MRPL57: variants seen among roughly 807,000 people sequenced by gnomAD.
MRPL57 encodes mitochondrial ribosomal protein L57.
MRPL57 carries 1 observed loss-of-function variant against 1.3 expected under a neutral mutation model. The observed-to-expected ratio is 0.79, with a 90% CI of 0.28 to 3.75. The LOEUF is 3.75. Ranked by LOEUF, MRPL57 falls within the 30% of genes most tolerant of loss-of-function variation. MRPL57 has a pLI of 0.19. For missense variants in MRPL57, 170 were observed against 148.9 expected, an observed-to-expected ratio of 1.14 and a Z score of -0.74; for synonymous variants, 79 against 61.7, an observed-to-expected ratio of 1.28 and a Z score of -1.31.
chr13:21,177,918 G>A lies in MRPL57; in HGVS notation c.*693G>A, dbSNP rs1301785272. The A allele has an allele frequency of 4.3e-5, 7 of 162,492 alleles. No individual in the cohort carries two copies. Among genetic ancestry groups the A allele is most frequent in the Non-Finnish European group, 7.3e-5 (5 of 68,116 alleles). The allele number at this position is 162,492 out of a possible 1,614,324, so 10.1% of individuals were successfully genotyped here. A position where few individuals can be genotyped will look rare whatever the true frequency, so the allele number is the denominator to read the frequency against. On this transcript the variant is annotated 3_prime_UTR_variant, in exon 2 of 2. Coordinates refer to ENST00000309594, the MANE Select transcript of MRPL57 (RefSeq NM_024026.5). The stretch of plus-strand genomic sequence containing the variant: ...TCAGAGGCAGAGGTTGCAATGAAGC[G>A]GAGGTTGCAGTGAGCCGAGAGCATG...
chr13:21,177,044 C>T lies in MRPL57; in HGVS notation c.128C>T (p.Ala43Val). ...QNMIRRLEIE[A>V]ENHYWLSMPY... ...ATGATCCGCCGCCTGGAGATCGAGG[C>T]GGAGAACCATTACTGGCTGAGCATG... Residue 43 changes from alanine (A) to valine (V), a missense_variant, in exon 2 of 2, where the codon GCG becomes GTG. By Grantham distance (64) the Ala-to-Val change is moderately conservative. Transcript: ENST00000309594. The T allele has an allele frequency of 1.2e-6, 2 of 1,613,634 alleles. No individual in the cohort carries two copies. The highest frequency in any genetic ancestry group is 2.2e-5 in the South Asian group (2 of 91,082).
At position 21,176,997 on chromosome 13, in the gene MRPL57, G is replaced by T; in HGVS notation, c.81G>T (p.Val27=). 1 of 1,612,518 alleles carries T rather than the reference G, an allele frequency of 6.2e-7. No individual in the cohort carries two copies. Among genetic ancestry groups the T allele is most frequent in the South Asian group, 1.1e-5 (1 of 91,084 alleles). The stretch of plus-strand genomic sequence containing the variant: ...GGAAGCACCGGCGGCCGCGGTTCGT[G>T]TCGTTGCGCGCCAAGCAGAACATGA... ...WIGKHRRPRF[V]SLRAKQNMIR... is the part of the protein sequence containing the mutation. The change falls in exon 2 of 2, where the codon GTG becomes GTT. Residue 27 remains valine (V), a synonymous_variant. Transcript: ENST00000309594.
chr13:21,176,916 C>T lies in MRPL57; in HGVS notation c.-1C>T, dbSNP rs1184577768. 9.3e-6 allele frequency: 15 copies of T among 1,606,272 alleles called. No individual in the cohort carries two copies. The highest frequency in any genetic ancestry group is 1.3e-5 in the Non-Finnish European group (15 of 1,178,688). On this transcript the variant is annotated 5_prime_UTR_variant, in exon 2 of 2. Coordinates refer to ENST00000309594, the MANE Select transcript of MRPL57 (RefSeq NM_024026.5). ...GCCCGTCCCTCTCTTCCGCAGGCAC[C>T]ATGTTCCTGACTGCGCTCCTCTGGC...
rs1326804122 is a variant in MRPL57, at chr13:21,177,345, A to C, written c.*120A>C. ...CCTTTGGACCAGTCTTTATTAAAACAAACAAACATGAGTAGTCTGCATATC... is the reference window on the plus strand; with the variant it reads ...CCTTTGGACCAGTCTTTATTAAAACCAACAAACATGAGTAGTCTGCATATC... On this transcript the variant is annotated 3_prime_UTR_variant, in exon 2 of 2. Coordinates refer to ENST00000309594, the MANE Select transcript of MRPL57 (RefSeq NM_024026.5). The C allele has an allele frequency of 9.6e-7, 1 of 1,044,376 alleles. No individual in the cohort carries two copies. 64.7% of individuals were successfully genotyped at this position (1,044,376 alleles called of 1,614,324 possible).
chr13:21,177,074 A>T lies in MRPL57; in HGVS notation c.158A>T (p.Tyr53Phe), dbSNP rs776128645. 9.3e-6 allele frequency: 15 copies of T among 1,613,748 alleles called. No individual in the cohort carries two copies. In the Admixed American group the frequency reaches 1.0e-4, roughly 11 times the overall value. ...AACCATTACTGGCTGAGCATGCCCT[A>T]CATGACCCGGGAGCAGGAGCGCGGC... ...AENHYWLSMP[Y>F]MTREQERGHA... Residue 53 changes from tyrosine (Y) to phenylalanine (F), a missense_variant, in exon 2 of 2, where the codon TAC becomes TTC. Coordinates refer to ENST00000309594, the MANE Select transcript of MRPL57 (RefSeq NM_024026.5).
chr13:21,178,314 G>C lies in MRPL57; in HGVS notation c.*1089G>C, dbSNP rs1181480475. ...TTAGCCGGGTGCAGTGGTGAGGCCT[G>C]TAATCCCAGCTACTCAGGAGGCTGA... On this transcript the variant is annotated 3_prime_UTR_variant, in exon 2 of 2. Transcript: ENST00000309594. The C allele has an allele frequency of 6.5e-6, 1 of 153,974 alleles. No individual in the cohort carries two copies. Among genetic ancestry groups the C allele is most frequent in the Non-Finnish European group, 1.5e-5 (1 of 68,162 alleles). 9.5% of individuals were successfully genotyped at this position (153,974 alleles called of 1,614,324 possible).
Position 21,177,911 on chromosome 13 carries a change from A to G in MRPL57, c.*686A>G, listed in dbSNP as rs1871673973. 6.2e-6 allele frequency: 1 copy of G among 162,022 alleles called. No homozygotes were observed. The highest frequency in any genetic ancestry group is 2.4e-5 in the African/African-American group (1 of 41,424). The allele number at this position is 162,022 out of a possible 1,614,324, so 10.0% of individuals were successfully genotyped here. A position where few individuals can be genotyped will look rare whatever the true frequency, so the allele number is the denominator to read the frequency against. On this transcript the variant is annotated 3_prime_UTR_variant, in exon 2 of 2. Coordinates refer to ENST00000309594, the MANE Select transcript of MRPL57 (RefSeq NM_024026.5). ...CTGAACCTCAGAGGCAGAGGTTGCA[A>G]TGAAGCGGAGGTTGCAGTGAGCCGA...
Position 21,177,058 on chromosome 13 carries a change from T to C in MRPL57, c.142T>C (p.Trp48Arg). 1 of 1,613,774 alleles carries C rather than the reference T, an allele frequency of 6.2e-7. No homozygotes were observed. The highest frequency in any genetic ancestry group is 8.5e-7 in the Non-Finnish European group (1 of 1,180,010). ...RLEIEAENHY[W>R]LSMPYMTREQ... ...GGAGATCGAGGCGGAGAACCATTACTGGCTGAGCATGCCCTACATGACCCG... is the reference window on the plus strand; with the variant it reads ...GGAGATCGAGGCGGAGAACCATTACCGGCTGAGCATGCCCTACATGACCCG... Residue 48 changes from tryptophan (W) to arginine (R), a missense_variant, in exon 2 of 2, where the codon TGG becomes CGG. Coordinates refer to ENST00000309594, the MANE Select transcript of MRPL57 (RefSeq NM_024026.5).
rs758258811 is a variant in MRPL57 at position 21,177,272 on chromosome 13, C to G, written c.*47C>G. On this transcript the variant is annotated 3_prime_UTR_variant, in exon 2 of 2. Transcript: ENST00000309594. ...TTTTATGGATCACGGAGCTGACCAT[C>G]TTTACCTGGTCCTGGAACTGAAAAA... The G allele has an allele frequency of 6.3e-7, 1 of 1,580,548 alleles. No individual in the cohort carries two copies.
intron 1 of MRPL57, 80 bp from the exon 2 acceptor site, chr13:21,176,832 G>A: frequency 6.9e-7 from 1 of 1,457,680 alleles, no homozygotes; most frequent in Non-Finnish European, 9.2e-7. Context: ...GTAGGCGTGA[G>A]CTGGAGCGCG....
At position 21,176,696 on chromosome 13, in the gene MRPL57, A is replaced by G. The variant is rs1871572422; in HGVS notation, c.-27A>G. 2 of 655,406 alleles carry G rather than the reference A, an allele frequency of 3.1e-6. No homozygotes were observed. Among genetic ancestry groups the G allele is most frequent in the East Asian group, 3.0e-5 (1 of 33,196 alleles). The allele number at this position is 655,406 out of a possible 1,614,324, so 40.6% of individuals were successfully genotyped here. On this transcript the variant is annotated 5_prime_UTR_variant, in exon 1 of 2. Transcript: ENST00000309594. ...CGTCTGCTGGCGGCCGCGGAGACGC[A>G]GAGTCTTGAGCAGCGCGGCAGGTGA...
At position 21,177,506 on chromosome 13, in the gene MRPL57, G is replaced by A. The variant is rs1410450130; in HGVS notation, c.*281G>A. On this transcript the variant is annotated 3_prime_UTR_variant, in exon 2 of 2. Coordinates refer to ENST00000309594, the MANE Select transcript of MRPL57 (RefSeq NM_024026.5). ...AGGAAAGCTGCAATAAAGCCACAATGATTTGAGGTCTTTGCTTAAGTATGA... is the reference window on the plus strand; with the variant it reads ...AGGAAAGCTGCAATAAAGCCACAATAATTTGAGGTCTTTGCTTAAGTATGA... The A allele has an allele frequency of 1.1e-5, 5 of 465,768 alleles. No individual in the cohort carries two copies. Among genetic ancestry groups the A allele is most frequent in the Admixed American group, 4.2e-5 (1 of 23,782 alleles). The allele number at this position is 465,768 out of a possible 1,614,324, so 28.9% of individuals were successfully genotyped here. A position where few individuals can be genotyped will look rare whatever the true frequency, so the allele number is the denominator to read the frequency against.
chr13:21,177,082 C>A lies in MRPL57; in HGVS notation c.166C>A (p.Arg56=), dbSNP rs144653528. 15 of 1,613,810 alleles carry A rather than the reference C, an allele frequency of 9.3e-6. No individual in the cohort carries two copies. Among genetic ancestry groups the A allele is most frequent in the Non-Finnish European group, 1.3e-5 (15 of 1,180,044 alleles). ...CTGGCTGAGCATGCCCTACATGACC[C>A]GGGAGCAGGAGCGCGGCCACGCCGC... is the stretch of plus-strand genomic sequence containing the variant. ...HYWLSMPYMT[R]EQERGHAAVR... Residue 56 remains arginine (R), a synonymous_variant, in exon 2 of 2, where the codon CGG becomes AGG. Coordinates refer to ENST00000309594, the MANE Select transcript of MRPL57 (RefSeq NM_024026.5).
Position 21,176,664 on chromosome 13 carries a change from G to A in MRPL57, c.-59G>A. 2.9e-6 allele frequency: 2 copies of A among 679,478 alleles called. No homozygotes were observed. Among genetic ancestry groups the A allele is most frequent in the African/African-American group, 1.9e-5 (1 of 53,558 alleles). The allele number at this position is 679,478 out of a possible 1,614,324, so 42.1% of individuals were successfully genotyped here. On this transcript the variant is annotated 5_prime_UTR_variant, in exon 1 of 2. Transcript: ENST00000309594. ...GACCCCGCGAGACGGGTGCGCTTAC[G>A]CCACGGCGTCTGCTGGCGGCCGCGG...
At position 21,176,715 on chromosome 13, in the gene MRPL57, C is replaced by T. The variant is rs1227105019; in HGVS notation, c.-8C>T. ...AGACGCAGAGTCTTGAGCAGCGCGG[C>T]AGGTGAGTAGCTGTGCGAATTCGGT... is the stretch of plus-strand genomic sequence containing the variant. On this transcript the variant is annotated splice_region_variant and 5_prime_UTR_variant, in exon 1 of 2. Coordinates refer to ENST00000309594, the MANE Select transcript of MRPL57 (RefSeq NM_024026.5). The T allele has an allele frequency of 1.2e-5, 8 of 671,116 alleles. No homozygotes were observed. Among genetic ancestry groups the T allele is most frequent in the African/African-American group, 5.5e-5 (3 of 54,672 alleles). The allele number at this position is 671,116 out of a possible 1,614,324, so 41.6% of individuals were successfully genotyped here. A position where few individuals can be genotyped will look rare whatever the true frequency, so the allele number is the denominator to read the frequency against.
intron 1 of MRPL57, 73 bp from the exon 2 acceptor site, chr13:21,176,839 C>A: frequency 6.7e-7 from 1 of 1,482,480 alleles, no homozygotes. Flanking sequence ...TGAGCTGGAG[C>A]GCGCGCCCGC....
rs1208531906 is a variant in MRPL57, at chr13:21,176,959, C to T, written c.43C>T (p.Arg15Cys). 6.2e-7 allele frequency: 1 copy of T among 1,611,858 alleles called. No homozygotes were observed. The highest frequency in any genetic ancestry group is 1.7e-5 in the Admixed American group (1 of 60,014). ...CCTCTGGCGCGGCCGCATTCCCGGC[C>T]GTCAGTGGATCGGGAAGCACCGGCG... is the stretch of plus-strand genomic sequence containing the variant. ...ALLWRGRIPG[R>C]QWIGKHRRPR... Residue 15 changes from arginine to cysteine, a missense_variant, in exon 2 of 2, where the codon CGT becomes TGT. By Grantham distance (180) the Arg-to-Cys change is radical. Coordinates refer to ENST00000309594, the MANE Select transcript of MRPL57 (RefSeq NM_024026.5).
In MRPL57 at chr13:21,177,309, G is replaced by A; in HGVS notation, c.*84G>A. On this transcript the variant is annotated 3_prime_UTR_variant, in exon 2 of 2. Coordinates refer to ENST00000309594, the MANE Select transcript of MRPL57 (RefSeq NM_024026.5). The stretch of plus-strand genomic sequence containing the variant: ...CTGGAACTGAAAAACTGTAGCTTGT[G>A]TGAAAATGAGCCTTTGGACCAGTCT... 2.9e-6 allele frequency: 4 copies of A among 1,401,544 alleles called. No homozygotes were observed. The highest frequency in any genetic ancestry group is 3.9e-6 in the Non-Finnish European group (4 of 1,014,948). The allele number at this position is 1,401,544 out of a possible 1,614,324, so 86.8% of individuals were successfully genotyped here. A position where few individuals can be genotyped will look rare whatever the true frequency, so the allele number is the denominator to read the frequency against.
Position 21,176,912 on chromosome 13 carries a change from G to T in MRPL57, c.-5G>T, listed in dbSNP as rs1337296144. ...CAAAGCCCGTCCCTCTCTTCCGCAG[G>T]CACCATGTTCCTGACTGCGCTCCTC... On this transcript the variant is annotated splice_region_variant and 5_prime_UTR_variant, in exon 2 of 2. Coordinates refer to ENST00000309594, the MANE Select transcript of MRPL57 (RefSeq NM_024026.5). 6.2e-7 allele frequency: 1 copy of T among 1,604,112 alleles called. No individual in the cohort carries two copies. The highest frequency in any genetic ancestry group is 1.3e-5 in the African/African-American group (1 of 74,938).
Sources: gnomAD v4.1 joint callset for allele counts on GRCh38, gnomAD v4.1.1 for gene constraint, MANE v1.5 for transcripts, NCBI Gene and HGNC (gene_info 2026-07-23, HGNC 2026-07-21) for gene names.